PTPRD: variants seen among roughly 807,000 people sequenced by gnomAD.
PTPRD encodes the protein receptor-type tyrosine-protein phosphatase delta.
PTPRD carries 34 observed loss-of-function variants against 214.5 expected under a neutral mutation model. That is an observed-to-expected ratio of 0.16 (90% CI 0.12 to 0.21). The LOEUF (loss-of-function observed/expected upper bound fraction) is 0.21, where lower values mean the gene tolerates loss of function less well. PTPRD is among the 10% of genes least tolerant of loss of function. The pLI, the probability that PTPRD is intolerant of heterozygous loss-of-function variation, is 1.00. For synonymous variants in PTPRD, 1,128 were observed against 845.7 expected, an observed-to-expected ratio of 1.33 and a Z score of -5.79; for missense variants, 2,545 against 2,398.7, an observed-to-expected ratio of 1.06 and a Z score of -1.27.
intron 8 of PTPRD, among the ~76,000 whole-genome samples, chr9:9,429,516 G>A (rs113042764): frequency 0.066 from 9,991 of 152,100 alleles, 363 homozygotes; most frequent in Middle Eastern, 0.17. Flanking sequence ...ATTCCAATCA[G>A]TAGAAAAAGA....
intron 8 of PTPRD, among the ~76,000 whole-genome samples, chr9:9,400,739 G>A (rs1312007980): frequency 2.0e-5 from 3 of 152,052 alleles, no homozygotes; most frequent in Admixed American, 1.3e-4. Context: ...TGACTCTAGT[G>A]ATGCTGGTAA....
chr9:10,083,655 GA>G (rs1313719846), intron 3 of PTPRD, among the ~76,000 whole-genome samples: 2 of 151,982 alleles, frequency 1.3e-5, no homozygotes, highest in Non-Finnish European at 2.9e-5. Flanking sequence ...CAGTCATCTA[GA>G]GCAGTGGTTA....
intron 2 of PTPRD, among the ~76,000 whole-genome samples, chr9:10,381,795 T>C (rs959833351): frequency 6.6e-6 from 1 of 151,976 alleles, no homozygotes; most frequent in South Asian, 2.1e-4. Flanking sequence ...TATTATGTCA[T>C]ACATAATGGC....
intron 12 of PTPRD, among the ~76,000 whole-genome samples, chr9:8,640,391 G>C (rs1057114024): frequency 5.9e-5 from 9 of 151,834 alleles, no homozygotes; most frequent in African/African-American, 2.2e-4. Context: ...AATGACCATT[G>C]GATGCTACTG....
chr9:8,535,264 G>A (rs915927756), intron 14 of PTPRD, among the ~76,000 whole-genome samples: 1 of 151,868 alleles, frequency 6.6e-6, no homozygotes, highest in Admixed American at 6.6e-5. Context: ...GATCAAACAA[G>A]TAGTGCAGCA....
chr9:8,418,739 T>C (rs71507644), intron 35 of PTPRD, among the ~76,000 whole-genome samples: 261 of 152,124 alleles, frequency 1.7e-3, no homozygotes, highest in Non-Finnish European at 2.9e-3. Context: ...TCAATGCTGA[T>C]AGCTGTAAAT....
intron 3 of PTPRD, among the ~76,000 whole-genome samples, chr9:10,287,145 T>G (rs2095382983): frequency 6.6e-6 from 1 of 152,184 alleles, no homozygotes; most frequent in Non-Finnish European, 1.5e-5. Flanking sequence ...AAAAGATGGT[T>G]TCTATAGTTT....
intron 11 of PTPRD, among the ~76,000 whole-genome samples, chr9:8,757,388 G>C (rs991755973): frequency 6.6e-6 from 1 of 151,984 alleles, no homozygotes; most frequent in Non-Finnish European, 1.5e-5. Context: ...ATCAGCATAA[G>C]ATTTAGATGT....
intron 5 of PTPRD, among the ~76,000 whole-genome samples, chr9:9,930,912 T>C (rs2086266019): frequency 6.6e-6 from 1 of 152,070 alleles, no homozygotes; most frequent in Admixed American, 6.6e-5. Flanking sequence ...TTTACGCATT[T>C]ACTAGATAGG....
intron 33 of PTPRD, among the ~76,000 whole-genome samples, chr9:8,453,653 T>G (rs569835912): frequency 1.3e-5 from 2 of 152,168 alleles, no homozygotes; most frequent in African/African-American, 4.8e-5. Context: ...CAACATAAAG[T>G]GATTTTAGTG....
chr9:9,943,611 G>T (rs1250217234), intron 4 of PTPRD, among the ~76,000 whole-genome samples: 1 of 150,726 alleles, frequency 6.6e-6, no homozygotes, highest in African/African-American at 2.5e-5. Context: ...GAAGCTGTGG[G>T]TTTGTGGCTG....
chr9:9,947,610 ATATATATATATTTTAAATATATATTT>A (rs1566626034), intron 4 of PTPRD, among the ~76,000 whole-genome samples: 41 of 55,944 alleles, frequency 7.3e-4, no homozygotes, highest in East Asian at 4.1e-3. Context: ...TATATATTTT[ATATATATATATTTTAAATATATATTT>A]TATATATATA....
chr9:10,365,647 A>G, intron 2 of PTPRD, among the ~76,000 whole-genome samples: 1 of 152,168 alleles, frequency 6.6e-6, no homozygotes. Flanking sequence ...AGTTTTTAGA[A>G]CATAAGAGGA....
intron 5 of PTPRD, among the ~76,000 whole-genome samples, chr9:9,825,790 C>G (rs902369969): frequency 2.0e-5 from 3 of 151,850 alleles, no homozygotes; most frequent in African/African-American, 7.2e-5. Context: ...ATTATGTTAC[C>G]ACATTTTCTT....
At chr9:9,054,762 A>G (rs2099693146) in intron 10 of PTPRD, among the ~76,000 whole-genome samples, 1 of 152,202 alleles carries the variant, frequency 6.6e-6, no homozygotes, top group South Asian at 2.1e-4. Flanking sequence ...TCGAAGGCAA[A>G]CAAGAATAGA....
chr9:8,562,153 T>C (rs2086650370), intron 14 of PTPRD, among the ~76,000 whole-genome samples: 1 of 152,110 alleles, frequency 6.6e-6, no homozygotes, highest in African/African-American at 2.4e-5. Flanking sequence ...ATTTTCCCAT[T>C]TTGATTAACA....
intron 3 of PTPRD, among the ~76,000 whole-genome samples, chr9:10,138,225 A>T (rs2098956287): frequency 6.6e-6 from 1 of 152,116 alleles, no homozygotes; most frequent in African/African-American, 2.4e-5. Flanking sequence ...TATTCCACAG[A>T]AATACAAAAG....
chr9:9,718,678 A>G lies in PTPRD; in HGVS notation c.-287+15855T>C, dbSNP rs182276757. On this transcript the variant is annotated intron_variant, in intron 7 of 45. Transcript: ENST00000381196. ...GGAGCAAAGTTGTGGACATGTCCCA[A>G]TAGCTAAGCCCAGGTGCTGTTGTGA... 1.5e-3 allele frequency among the ~76,000 whole-genome samples: 228 copies of G among 152,284 alleles called. 2 individuals are homozygous for G. The highest frequency in any genetic ancestry group is 4.7e-3 in the African/African-American group (195 of 41,574).
intron 9 of PTPRD, among the ~76,000 whole-genome samples, chr9:9,396,826 T>C (rs899029484): frequency 1.3e-5 from 2 of 152,040 alleles, no homozygotes; most frequent in African/African-American, 4.8e-5. Flanking sequence ...AGTCTGGCAA[T>C]GTGCAGAGAA....
Sources: gnomAD v4.1 joint callset for allele counts (sites outside exome capture counted in the v4.1 genomes callset) on GRCh38, gnomAD v4.1.1 for gene constraint, MANE v1.5 for transcripts, NCBI Gene and HGNC (gene_info 2026-07-23, HGNC 2026-07-21) for gene names.